Variants in EIF4G3 observed in about 807,000 individuals in gnomAD.
EIF4G3 encodes eIF-4-gamma 3.
A neutral mutation model predicts 186.4 loss-of-function variants in EIF4G3; 34 were observed. The observed-to-expected ratio is 0.18, with a 90% CI of 0.14 to 0.24. The LOEUF (loss-of-function observed/expected upper bound fraction) is 0.24. EIF4G3 is among the 10% of genes least tolerant of loss of function. The pLI is 1.00. For synonymous variants in EIF4G3, 673 were observed against 679.5 expected (o/e 0.99, Z 0.15); for missense variants, 1,536 against 1,948.5 (o/e 0.79, Z 3.99).
At chr1:20,907,439 C>G (rs564471102) in intron 14 of EIF4G3, among the ~76,000 whole-genome samples, 5 of 151,814 alleles carry the variant, frequency 3.3e-5, no homozygotes, top group African/African-American at 4.8e-5. Context: ...TGTGCACAAC[C>G]TGCAGGTTTG....
chr1:20,834,868 A>G (rs1315794377), intron 30 of EIF4G3, among the ~76,000 whole-genome samples: 3 of 152,230 alleles, frequency 2.0e-5, no homozygotes, highest in Non-Finnish European at 2.9e-5. Flanking sequence ...CTTGAATTAT[A>G]CTTTAAACCA....
At chr1:20,928,471 C>T (rs574723163) in intron 14 of EIF4G3, among the ~76,000 whole-genome samples, 46 of 151,590 alleles carry the variant, frequency 3.0e-4, no homozygotes, top group Non-Finnish European at 6.2e-4. Flanking sequence ...GGTGTGATCT[C>T]GGCTCACTGC....
chr1:21,140,358 G>A (rs1175546223), intron 2 of EIF4G3, among the ~76,000 whole-genome samples: 4 of 152,060 alleles, frequency 2.6e-5, no homozygotes, highest in Admixed American at 2.0e-4. Context: ...CTACTGCCCA[G>A]GCTGGAGTGC....
chr1:21,163,858 G>A (rs534800761), intron 2 of EIF4G3, among the ~76,000 whole-genome samples: 5 of 152,194 alleles, frequency 3.3e-5, no homozygotes, highest in African/African-American at 4.8e-5. Flanking sequence ...CGTAGCCTCC[G>A]CCACCTGAGT....
At chr1:20,853,430 T>G in intron 27 of EIF4G3, 130 bp downstream of exon 27, 1 of 596,474 alleles carries the variant, frequency 1.7e-6, no homozygotes, top group East Asian at 2.8e-5. Context: ...GTGTGAAGAT[T>G]AAAGAAATCA....
At chr1:20,984,024 A>G (rs945382796) in intron 7 of EIF4G3, among the ~76,000 whole-genome samples, 1 of 152,234 alleles carries the variant, frequency 6.6e-6, no homozygotes, top group African/African-American at 2.4e-5. Flanking sequence ...CATCTTATTC[A>G]ATGAGGTTTC....
chr1:20,998,779 C>T (rs2082851439), intron 6 of EIF4G3: 1 of 381,244 alleles, frequency 2.6e-6, no homozygotes, highest in Non-Finnish European at 5.2e-6. Flanking sequence ...TAATGTTAAC[C>T]ACTCCCTTTA....
intron 13 of EIF4G3, among the ~76,000 whole-genome samples, chr1:20,947,228 C>A (rs977308362): frequency 5.3e-5 from 8 of 151,922 alleles, no homozygotes; most frequent in African/African-American, 1.9e-4. Context: ...CCTGTAGCTC[C>A]AGCTACTCAG....
chr1:21,086,603 CG>C (rs1187460172), intron 3 of EIF4G3, among the ~76,000 whole-genome samples: 2 of 152,052 alleles, frequency 1.3e-5, no homozygotes, highest in African/African-American at 4.8e-5. Context: ...GCAATTAACA[CG>C]TTCCTGTCTC....
At chr1:21,127,526 C>A (rs1323072495) in intron 2 of EIF4G3, among the ~76,000 whole-genome samples, 2 of 152,136 alleles carry the variant, frequency 1.3e-5, no homozygotes, top group Non-Finnish European at 2.9e-5. Context: ...TAATGCAATA[C>A]CTGGTACGCA....
chr1:21,071,402 T>G (rs986732718), intron 3 of EIF4G3, among the ~76,000 whole-genome samples: 2 of 152,042 alleles, frequency 1.3e-5, no homozygotes, highest in African/African-American at 2.4e-5. Context: ...GACAACAGGG[T>G]GAGAACCTGT....
intron 14 of EIF4G3, among the ~76,000 whole-genome samples, chr1:20,919,705 C>A (rs912689052): frequency 2.6e-5 from 4 of 152,150 alleles, no homozygotes; most frequent in African/African-American, 9.7e-5. Context: ...ACAGCGTCTA[C>A]AAAGCCTATG....
chr1:21,134,630 C>T (rs2097207267), intron 2 of EIF4G3, among the ~76,000 whole-genome samples: 2 of 152,114 alleles, frequency 1.3e-5, no homozygotes, highest in South Asian at 4.1e-4. Context: ...GATCGCACCA[C>T]TGCACTCCAG....
In EIF4G3 at chr1:20,849,541, GGCCCCC is replaced by G; in HGVS notation, c.3773-17_3773-12del. 1 of 1,400,186 alleles carries G rather than the reference GGCCCCC, an allele frequency of 7.1e-7. No homozygotes were observed. Among genetic ancestry groups the G allele is most frequent in the Non-Finnish European group, 9.6e-7 (1 of 1,038,426 alleles). 86.7% of individuals were successfully genotyped at this position (1,400,186 alleles called of 1,614,324 possible). The stretch of plus-strand genomic sequence containing the variant: ...AAATTTCTGGTTTTGCTATTAGTGA[GGCCCCC>G]CAAAAAAAGTAAAAATAATAAAAAT... On this transcript the variant is annotated splice_polypyrimidine_tract_variant and intron_variant, in intron 28 of 36. Transcript: ENST00000602326.
intron 3 of EIF4G3, 51 bp from the exon 4 acceptor site, chr1:21,051,045 TAATA>T (rs1465613990): frequency 2.1e-5 from 15 of 713,438 alleles, no homozygotes; most frequent in Non-Finnish European, 3.6e-5. Flanking sequence ...AAATCAATCT[TAATA>T]AATACAGCTG....
intron 4 of EIF4G3, among the ~76,000 whole-genome samples, chr1:21,017,504 T>C (rs6700059): frequency 6.6e-6 from 1 of 151,450 alleles, no homozygotes; most frequent in Admixed American, 6.6e-5. Context: ...GGCGGGCACC[T>C]GTAGTTCCAG....
chr1:21,109,591 T>C (rs981909408), intron 2 of EIF4G3, among the ~76,000 whole-genome samples: 1 of 152,146 alleles, frequency 6.6e-6, no homozygotes, highest in African/African-American at 2.4e-5. Context: ...TCCTACAATA[T>C]TGCAAAAACT....
chr1:20,812,798 C>T (rs936046356), intron 35 of EIF4G3, among the ~76,000 whole-genome samples: 3 of 152,058 alleles, frequency 2.0e-5, no homozygotes, highest in Non-Finnish European at 4.4e-5. Context: ...TAACCCTATA[C>T]TGATAATTAG....
At chr1:20,902,827 G>C (rs1207911018) in intron 15 of EIF4G3, among the ~76,000 whole-genome samples, 1 of 152,158 alleles carries the variant, frequency 6.6e-6, no homozygotes, top group Non-Finnish European at 1.5e-5. Flanking sequence ...TTTTAACAGA[G>C]ATGGGGTTTC....
Sources: gnomAD v4.1 joint callset for allele counts (sites outside exome capture counted in the v4.1 genomes callset) on GRCh38, gnomAD v4.1.1 for gene constraint, MANE v1.5 for transcripts, NCBI Gene and HGNC (gene_info 2026-07-23, HGNC 2026-07-21) for gene names.